The following PELI2 variants were observed in gnomAD, a reference collection of about 807,000 sequenced individuals.
The protein encoded by PELI2 is pellino E3 ubiquitin protein ligase family member 2, also known as E3 ubiquitin-protein ligase pellino homolog 2.
A neutral mutation model predicts 42.3 loss-of-function variants in PELI2; 23 were observed. The observed-to-expected ratio is 0.54, with a 90% CI of 0.39 to 0.77. PELI2 has a LOEUF of 0.77. PELI2 is among the 30% of genes least tolerant of loss of function. The pLI is 0.00. For missense variants in PELI2, 463 were observed against 553.2 expected, an observed-to-expected ratio of 0.84 and a Z score of 1.64; for synonymous variants, 245 against 212.2, an observed-to-expected ratio of 1.15 and a Z score of -1.34.
At chr14:56,133,618 C>CT (rs1566598830) in intron 1 of PELI2, among the ~76,000 whole-genome samples, 1 of 152,228 alleles carries the variant, frequency 6.6e-6, no homozygotes, top group Admixed American at 6.5e-5. Flanking sequence ...TAACTTTCTT[C>CT]TTTTTCTTCA....
At chr14:56,254,889 C>T (rs1302803232) in intron 2 of PELI2, among the ~76,000 whole-genome samples, 1 of 152,102 alleles carries the variant, frequency 6.6e-6, no homozygotes. Flanking sequence ...GAAAAAATTT[C>T]CATTATCACT....
chr14:56,118,631 G>A lies in PELI2; in HGVS notation c.-30G>A. The A allele has an allele frequency of 7.5e-7, 1 of 1,335,096 alleles. No individual in the cohort carries two copies. Among genetic ancestry groups the A allele is most frequent in the South Asian group, 1.7e-5 (1 of 57,826 alleles). The allele number at this position is 1,335,096 out of a possible 1,614,324, so 82.7% of individuals were successfully genotyped here. On this transcript the variant is annotated 5_prime_UTR_variant, in exon 1 of 6. Transcript: ENST00000267460. ...GATCGCGGCGGAGGCGGCGGCGTCG[G>A]CGGCGGCGTCGGCGGCCGAGCGGGG...
rs570815182 is a variant in PELI2, at chr14:56,180,975, G to A, written c.207+2511G>A. On this transcript the variant is annotated intron_variant, in intron 2 of 5. Coordinates refer to ENST00000267460, the MANE Select transcript of PELI2 (RefSeq NM_021255.3). This position sits in a 1 kb window ranked among gnomAD's most constrained non-coding sequence, Gnocchi z 4.4. ...TTATTTTTTCCATCTTATGTTTGTGGAACATATTTCAGTGACTCGGTACCT... is the reference window on the plus strand; with the variant it reads ...TTATTTTTTCCATCTTATGTTTGTGAAACATATTTCAGTGACTCGGTACCT... 3.3e-5 allele frequency among the ~76,000 whole-genome samples: 5 copies of A among 152,092 alleles called. 1 individual carries two copies. In the East Asian group the frequency reaches 9.7e-4, roughly 29 times the overall value.
At chr14:56,189,313 T>C (rs1471560011) in intron 2 of PELI2, among the ~76,000 whole-genome samples, 1 of 152,210 alleles carries the variant, frequency 6.6e-6, no homozygotes, top group Non-Finnish European at 1.5e-5. Flanking sequence ...CTGTGTTCCT[T>C]GTGGAAATTC....
chr14:56,204,348 G>A (rs1383940170), intron 2 of PELI2, among the ~76,000 whole-genome samples: 1 of 152,172 alleles, frequency 6.6e-6, no homozygotes, highest in East Asian at 1.9e-4. Flanking sequence ...GTAGGTTAAT[G>A]TGGATGCTTG....
chr14:56,164,833 A>C (rs1439313766), intron 1 of PELI2, among the ~76,000 whole-genome samples: 1 of 152,096 alleles, frequency 6.6e-6, no homozygotes, highest in Non-Finnish European at 1.5e-5. Flanking sequence ...ATAGTTGCTC[A>C]TGATAGCCAC....
At chr14:56,212,191 G>A (rs888580049) in intron 2 of PELI2, among the ~76,000 whole-genome samples, 7 of 152,218 alleles carry the variant, frequency 4.6e-5, no homozygotes, top group Non-Finnish European at 1.0e-4. Flanking sequence ...CCAGCTTGGG[G>A]AACTGTGTCT....
chr14:56,158,172 T>C (rs1884633693), intron 1 of PELI2, among the ~76,000 whole-genome samples: 1 of 151,962 alleles, frequency 6.6e-6, no homozygotes, highest in Admixed American at 6.6e-5. Context: ...GGATTATAGA[T>C]GTGCATCACC....
At chr14:56,183,235 G>GA (rs1308603183) in intron 2 of PELI2, among the ~76,000 whole-genome samples, 3 of 151,610 alleles carry the variant, frequency 2.0e-5, no homozygotes, top group Non-Finnish European at 1.5e-5. Flanking sequence ...TCTGAGAGAA[G>GA]AAAAAAATAA....
At chr14:56,151,577 T>C (rs984090216) in intron 1 of PELI2, among the ~76,000 whole-genome samples, 1 of 152,244 alleles carries the variant, frequency 6.6e-6, no homozygotes, top group Non-Finnish European at 1.5e-5. Context: ...CCAGCTCTGC[T>C]GCTGCGTAGC....
intron 2 of PELI2, among the ~76,000 whole-genome samples, chr14:56,185,939 G>C (rs242394): frequency 0.43 from 65,821 of 151,930 alleles, 16,839 homozygotes; most frequent in African/African-American, 0.72. Flanking sequence ...CTCCCAAGAT[G>C]CTCATACATT....
chr14:56,294,236 TG>T (rs1341442347), intron 5 of PELI2, among the ~76,000 whole-genome samples: 1 of 152,220 alleles, frequency 6.6e-6, no homozygotes, highest in African/African-American at 2.4e-5. Flanking sequence ...AGGTGAGACC[TG>T]GATGACAAGT....
chr14:56,172,185 G>GC (rs1885199311), intron 1 of PELI2, among the ~76,000 whole-genome samples: 1 of 152,150 alleles, frequency 6.6e-6, no homozygotes, highest in African/African-American at 2.4e-5. Context: ...GGGCAGTTCT[G>GC]CCCCATATGG....
In PELI2 at chr14:56,138,285, AG is replaced by A. The variant is rs140073743; in HGVS notation, c.77+19549del. 8.9e-3 allele frequency among the ~76,000 whole-genome samples: 1,353 copies of A among 152,338 alleles called. 22 individuals are homozygous for A. The highest frequency in any genetic ancestry group is 0.031 in the African/African-American group (1,300 of 41,582). ...AAAATTGTACATGTATTTGGCAAAA[AG>A]TGCCACATCTCAAAACAGATAGTGC... is the stretch of plus-strand genomic sequence containing the variant. On this transcript the variant is annotated intron_variant, in intron 1 of 5. Coordinates refer to ENST00000267460, the MANE Select transcript of PELI2 (RefSeq NM_021255.3).
At chr14:56,205,292 C>G (rs889564185) in intron 2 of PELI2, among the ~76,000 whole-genome samples, 1 of 152,076 alleles carries the variant, frequency 6.6e-6, no homozygotes, top group Non-Finnish European at 1.5e-5. Context: ...AATTTGGGAA[C>G]AGAAGATCAA....
intron 2 of PELI2, among the ~76,000 whole-genome samples, chr14:56,216,592 A>T (rs1024528027): frequency 6.6e-6 from 1 of 152,250 alleles, no homozygotes; most frequent in East Asian, 1.9e-4. Flanking sequence ...GCAGTGACCG[A>T]GTTTTCATAC....
chr14:56,233,903 T>G (rs1358181762), intron 2 of PELI2, among the ~76,000 whole-genome samples: 2 of 152,032 alleles, frequency 1.3e-5, no homozygotes, highest in African/African-American at 4.8e-5. Flanking sequence ...TTAAACAAAT[T>G]TATAAGGGAA....
At chr14:56,159,450 A>C (rs187018227) in intron 1 of PELI2, among the ~76,000 whole-genome samples, 1 of 152,360 alleles carries the variant, frequency 6.6e-6, no homozygotes, top group Admixed American at 6.5e-5. Context: ...TTGGTAAAAT[A>C]TGTAAAGTAT....
At chr14:56,156,393 C>CAG (rs879398084) in intron 1 of PELI2, among the ~76,000 whole-genome samples, 8 of 151,244 alleles carry the variant, frequency 5.3e-5, no homozygotes, top group East Asian at 3.9e-4. Context: ...CATCTTCAAG[C>CAG]AGAGAGAGAG....
Sources: gnomAD v4.1 joint callset for allele counts (sites outside exome capture counted in the v4.1 genomes callset) on GRCh38, gnomAD v4.1.1 for gene constraint, Gnocchi (gnomAD v3.1) non-coding constraint, MANE v1.5 for transcripts, NCBI Gene and HGNC (gene_info 2026-07-23, HGNC 2026-07-21) for gene names.